FAT3: variants seen among roughly 807,000 people sequenced by gnomAD.
The protein encoded by FAT3 is protocadherin Fat 3.
Under a neutral mutation model 310.2 loss-of-function variants are expected in FAT3, and 95 were observed. The observed-to-expected ratio is 0.31, with a 90% CI of 0.26 to 0.36. The LOEUF (loss-of-function observed/expected upper bound fraction) is 0.36. FAT3 is among the 10% of genes least tolerant of loss of function. FAT3 has a pLI of 1.00. For missense variants in FAT3, 5,408 were observed against 5,715.6 expected, an observed-to-expected ratio of 0.95 and a Z score of 1.74; for synonymous variants, 2,314 against 2,192.9, an observed-to-expected ratio of 1.06 and a Z score of -1.54.
intron 3 of FAT3, among the ~76,000 whole-genome samples, chr11:92,667,993 ATG>A: frequency 6.6e-6 from 1 of 152,312 alleles, no homozygotes; most frequent in South Asian, 2.1e-4. Context: ...GGGTAACAGG[ATG>A]TGAGCCTGCC....
At chr11:92,359,686 G>T (rs1423190243) in intron 2 of FAT3, among the ~76,000 whole-genome samples, 1 of 139,692 alleles carries the variant, frequency 7.2e-6, no homozygotes, top group Non-Finnish European at 1.5e-5. Flanking sequence ...GTGTCCATGT[G>T]ATCTCATTGT....
At chr11:92,833,741 G>T (rs1342073105) in intron 14 of FAT3, among the ~76,000 whole-genome samples, 1 of 152,088 alleles carries the variant, frequency 6.6e-6, no homozygotes, top group Non-Finnish European at 1.5e-5. Flanking sequence ...AATGTATGGG[G>T]GTTTCCCTCA....
At chr11:92,343,518 C>T (rs1216710540) in intron 1 of FAT3, among the ~76,000 whole-genome samples, 1 of 151,934 alleles carries the variant, frequency 6.6e-6, no homozygotes, top group Non-Finnish European at 1.5e-5. Context: ...CTACTTTTGG[C>T]CATTGACTAA....
intron 1 of FAT3, among the ~76,000 whole-genome samples, chr11:92,271,922 C>T (rs997335903): frequency 1.3e-5 from 2 of 152,026 alleles, no homozygotes; most frequent in Non-Finnish European, 2.9e-5. Context: ...TGTGACAACT[C>T]TTGGAATAAG....
chr11:92,459,266 TCAGA>T (rs1313611703), intron 2 of FAT3, among the ~76,000 whole-genome samples: 1 of 152,132 alleles, frequency 6.6e-6, no homozygotes, highest in African/African-American at 2.4e-5. Flanking sequence ...GGAATCCATT[TCAGA>T]CATTTAGAGG....
rs140112608 is a variant in FAT3, at chr11:92,798,268, A to G, written c.5255A>G (p.Asn1752Ser). 8.1e-5 allele frequency: 131 copies of G among 1,613,888 alleles called. No homozygotes were observed. The South Asian group carries it at 8.3e-4, about 10-fold the overall frequency. ...ACCAATATGGCAGGAATGGCTTCCA[A>G]TGCTACAGTCAATATTCAGATTGTT... is the stretch of plus-strand genomic sequence containing the variant. ...QATNMAGMAS[N>S]ATVNIQIVDE... The change falls in exon 10 of 28, where the codon AAT (asparagine) becomes AGT (serine). Residue 1752 changes from asparagine (N) to serine (S), a missense_variant. This residue lies in a region of FAT3 where 4,588 missense variants were observed against 4,809.8 expected (regional missense o/e 0.95). Transcript: ENST00000525166.
chr11:92,868,062 T>C (rs556125326), intron 22 of FAT3, among the ~76,000 whole-genome samples: 1 of 152,324 alleles, frequency 6.6e-6, no homozygotes, highest in South Asian at 2.1e-4. Flanking sequence ...ATGCTCCCGG[T>C]TGAAGGCTTG....
In FAT3 at chr11:92,792,862, A is replaced by C; in HGVS notation, c.4707A>C (p.Pro1569=). The part of the protein sequence containing the change: ...ANDHSPYFTN[P]LYEASVFESA... ...ATCACAGTCCTTATTTTACCAACCCACTGTATGAAGCGTCTGTGTTTGAAT... is the reference window on the plus strand; with the variant it reads ...ATCACAGTCCTTATTTTACCAACCCCCTGTATGAAGCGTCTGTGTTTGAAT... The change falls in exon 9 of 28, where the codon CCA becomes CCC. Residue 1569 remains proline, a synonymous_variant. Transcript: ENST00000525166. 3 of 1,613,718 alleles carry C rather than the reference A, an allele frequency of 1.9e-6. No individual in the cohort carries two copies. The highest frequency in any genetic ancestry group is 2.5e-6 in the Non-Finnish European group (3 of 1,179,778).
At chr11:92,790,935 C>T (rs1334229234) in intron 8 of FAT3, among the ~76,000 whole-genome samples, 1 of 152,152 alleles carries the variant, frequency 6.6e-6, no homozygotes, top group East Asian at 1.9e-4. Context: ...CTGTCAGAGC[C>T]CCCACTGTGT....
Position 92,801,741 on chromosome 11 carries a change from G to T in FAT3, c.8728G>T (p.Val2910Phe), listed in dbSNP as rs138366702. The stretch of plus-strand genomic sequence containing the variant: ...ATTCTCTCTTTCCTCCACGGCCTTG[G>T]TCTCTGTCAGAGTGACAGATATAAA... ...EAFSLSSTAL[V>F]SVRVTDINDN... is the part of the protein sequence containing the mutation. Residue 2910 changes from valine (V) to phenylalanine (F), a missense_variant, in exon 10 of 28, where the codon GTC becomes TTC. Coordinates refer to ENST00000525166, the MANE Select transcript of FAT3 (RefSeq NM_001367949.2). 3.7e-6 allele frequency: 6 copies of T among 1,613,918 alleles called. No individual in the cohort carries two copies. In the East Asian group the frequency reaches 1.1e-4, roughly 30 times the overall value.
chr11:92,261,317 T>C (rs1207309000), intron 1 of FAT3, among the ~76,000 whole-genome samples: 1 of 152,078 alleles, frequency 6.6e-6, no homozygotes, highest in Non-Finnish European at 1.5e-5. Flanking sequence ...TAAGCTATTG[T>C]CTCCAACCTG....
chr11:92,340,910 A>G (rs970393970), intron 1 of FAT3, among the ~76,000 whole-genome samples: 5 of 152,086 alleles, frequency 3.3e-5, no homozygotes, highest in African/African-American at 1.2e-4. Flanking sequence ...AAAATTTGGG[A>G]TGTGCAGCAG....
intron 1 of FAT3, among the ~76,000 whole-genome samples, chr11:92,346,575 C>G (rs944949752): frequency 2.6e-5 from 4 of 152,012 alleles, no homozygotes; most frequent in African/African-American, 9.7e-5. Flanking sequence ...GTTTTGTATC[C>G]CTGCTTCTGA....
Position 92,800,132 on chromosome 11 carries a change from A to T in FAT3, c.7119A>T (p.Ser2373=), listed in dbSNP as rs1373147643. The change falls in exon 10 of 28, where the codon TCA becomes TCT. Residue 2373 remains serine (S), a synonymous_variant. Coordinates refer to ENST00000525166, the MANE Select transcript of FAT3 (RefSeq NM_001367949.2). ...GATCAATAGATAGTGGCTTCCCATC[A>T]CTGAGCAGTGAGGTTCTCGTTCATA... is the stretch of plus-strand genomic sequence containing the variant. ...KVRSIDSGFP[S]LSSEVLVHIY... is the part of the protein sequence containing the mutation. The T allele has an allele frequency of 6.2e-7, 1 of 1,613,934 alleles. No homozygotes were observed.
At chr11:92,879,638 C>T (rs935696151) in intron 22 of FAT3, among the ~76,000 whole-genome samples, 4 of 152,094 alleles carry the variant, frequency 2.6e-5, no homozygotes, top group African/African-American at 9.7e-5. Flanking sequence ...ACTGCATTGA[C>T]TTAACCAAAA....
In FAT3 at chr11:92,798,159, A is replaced by G. The variant is rs1373895238; in HGVS notation, c.5146A>G (p.Ile1716Val). ...KDGDINGIFT[I>V]NPYSGVITTQ... ...TGGAGACATTAATGGGATCTTTACC[A>G]TAAATCCATATTCTGGAGTCATCAC... The change falls in exon 10 of 28, where the codon ATA becomes GTA. Residue 1716 changes from isoleucine (I) to valine (V), a missense_variant. This residue lies in a region of FAT3 where 4,588 missense variants were observed against 4,809.8 expected (regional missense o/e 0.95). Coordinates refer to ENST00000525166, the MANE Select transcript of FAT3 (RefSeq NM_001367949.2). 1 of 1,613,858 alleles carries G rather than the reference A, an allele frequency of 6.2e-7. No homozygotes were observed. Among genetic ancestry groups the G allele is most frequent in the Non-Finnish European group, 8.5e-7 (1 of 1,179,872 alleles).
At chr11:92,413,216 C>A (rs137956974) in intron 2 of FAT3, among the ~76,000 whole-genome samples, 1 of 152,080 alleles carries the variant, frequency 6.6e-6, no homozygotes, top group East Asian at 1.9e-4. Flanking sequence ...ACAAAGGAAC[C>A]CTTCTGTGTT....
chr11:92,317,050 T>C (rs988765868), intron 1 of FAT3, among the ~76,000 whole-genome samples: 3 of 152,132 alleles, frequency 2.0e-5, no homozygotes, highest in Admixed American at 1.3e-4. Flanking sequence ...CATTGCAATA[T>C]GGCCAAAATT....
chr11:92,423,557 C>A (rs934064720), intron 2 of FAT3, among the ~76,000 whole-genome samples: 3 of 152,142 alleles, frequency 2.0e-5, no homozygotes, highest in African/African-American at 7.2e-5. Flanking sequence ...ACTGGTGTAA[C>A]CACACTGCCT....
Sources: gnomAD v4.1 joint callset for allele counts (sites outside exome capture counted in the v4.1 genomes callset) on GRCh38, gnomAD v4.1.1 for gene constraint, gnomAD v4.1.1 regional missense constraint, MANE v1.5 for transcripts, NCBI Gene and HGNC (gene_info 2026-07-23, HGNC 2026-07-21) for gene names.